The following ZBTB8B variants were observed in gnomAD, a reference collection of about 807,000 sequenced individuals.
ZBTB8B encodes zinc finger and BTB domain containing 8B, also known as zinc finger and BTB domain-containing protein 8B.
A neutral mutation model predicts 30.3 loss-of-function variants in ZBTB8B; 17 were observed. The ratio of observed to expected loss-of-function variants is 0.56; its 90% CI spans 0.38 to 0.84. ZBTB8B has a LOEUF of 0.84. Ranked by LOEUF, ZBTB8B falls within the 40% of genes least tolerant of loss-of-function variation. The probability of loss-of-function intolerance (pLI) is 0.00; values close to 1 mark genes in which losing one functional copy is unlikely to be tolerated. For synonymous variants in ZBTB8B, 248 were observed against 255.6 expected (o/e 0.97, Z 0.28); for missense variants, 515 against 644.9 (o/e 0.80, Z 2.18).
At chr1:32,466,596 G>A (rs1271897559) in intron 1 of ZBTB8B, among the ~76,000 whole-genome samples, 1 of 152,128 alleles carries the variant, frequency 6.6e-6, no homozygotes, top group African/African-American at 2.4e-5. Flanking sequence ...CCAAGTACAG[G>A]ATTGGGGAAA....
At chr1:32,482,165 G>T (rs180995079) in intron 3 of ZBTB8B, among the ~76,000 whole-genome samples, 61 of 151,942 alleles carry the variant, frequency 4.0e-4, no homozygotes, top group African/African-American at 1.5e-3. Context: ...TGTTGTTGTT[G>T]TTTTTTGTTT....
chr1:32,471,238 T>A lies in ZBTB8B; in HGVS notation c.614T>A (p.Leu205Gln). 1 of 1,551,946 alleles carries A rather than the reference T, an allele frequency of 6.4e-7. No homozygotes were observed. The highest frequency in any genetic ancestry group is 8.7e-7 in the Non-Finnish European group (1 of 1,147,038). The change falls in exon 2 of 4, where the codon CTG becomes CAG. Residue 205 changes from leucine (L) to glutamine (Q), a missense_variant. Leu to Gln is a moderately radical substitution (Grantham distance 113). This residue lies in a region of ZBTB8B where 429 missense variants were observed against 504.3 expected (regional missense o/e 0.85). Coordinates refer to ENST00000609129, the MANE Select transcript of ZBTB8B (RefSeq NM_001145720.2). ...GDCGDCHPLE[L>Q]VVRDSLGGGS... ...TGCGGAGACTGCCACCCCTTGGAAC[T>A]GGTGGTGAGAGACAGCCTTGGCGGT...
Position 32,495,360 on chromosome 1 carries a change from G to T in ZBTB8B, c.*9942G>T, listed in dbSNP as rs1643809806. Reference sequence around the variant, plus strand: ...CCACTTAATCTAAAAATACCTAGATGCAGTATTCCTGGTTTTTAATGAAAT... The same window carrying T: ...CCACTTAATCTAAAAATACCTAGATTCAGTATTCCTGGTTTTTAATGAAAT... On this transcript the variant is annotated 3_prime_UTR_variant, in exon 4 of 4. Coordinates refer to ENST00000609129, the MANE Select transcript of ZBTB8B (RefSeq NM_001145720.2). The T allele has an allele frequency of 6.6e-6, 1 of 152,148 alleles. No individual in the cohort carries two copies. Among genetic ancestry groups the T allele is most frequent in the Non-Finnish European group, 1.5e-5 (1 of 68,030 alleles). The allele number at this position is 152,148 out of a possible 1,614,324, so 9.4% of individuals were successfully genotyped here.
chr1:32,475,314 G>A (rs998371563), intron 2 of ZBTB8B, among the ~76,000 whole-genome samples: 1 of 152,190 alleles, frequency 6.6e-6, no homozygotes, highest in African/African-American at 2.4e-5. Flanking sequence ...GGGCTCAGTC[G>A]CTCATGCCTA....
chr1:32,471,654 G>A (rs1445595954), intron 2 of ZBTB8B, 39 bp downstream of exon 2: 1 of 1,525,832 alleles, frequency 6.6e-7, no homozygotes, highest in African/African-American at 1.4e-5. Context: ...GCCAGTGATT[G>A]AGTACACACT....
At chr1:32,466,884 T>C (rs747732312) in intron 1 of ZBTB8B, among the ~76,000 whole-genome samples, 1 of 152,160 alleles carries the variant, frequency 6.6e-6, no homozygotes, top group Non-Finnish European at 1.5e-5. Flanking sequence ...GCCTCCTTTT[T>C]TTCTTAGTTA....
chr1:32,472,641 T>A (rs1227195626), intron 2 of ZBTB8B, among the ~76,000 whole-genome samples: 1 of 151,990 alleles, frequency 6.6e-6, no homozygotes, highest in East Asian at 1.9e-4. Flanking sequence ...TGAGACAGGG[T>A]CTCGCTCTGT....
chr1:32,469,197 C>G (rs974078528), intron 1 of ZBTB8B, among the ~76,000 whole-genome samples: 1 of 148,862 alleles, frequency 6.7e-6, no homozygotes, highest in Admixed American at 6.7e-5. Context: ...GACCCTTCCT[C>G]TAAAAAAGAA....
At chr1:32,474,775 C>T (rs1643650380) in intron 2 of ZBTB8B, among the ~76,000 whole-genome samples, 1 of 152,172 alleles carries the variant, frequency 6.6e-6, no homozygotes, top group Non-Finnish European at 1.5e-5. Flanking sequence ...AAACTGTTAC[C>T]TAGAAGGGTT....
chr1:32,470,612 A>C lies in ZBTB8B; in HGVS notation c.-13A>C. The C allele has an allele frequency of 6.5e-7, 1 of 1,541,134 alleles. No homozygotes were observed. The highest frequency in any genetic ancestry group is 8.8e-7 in the Non-Finnish European group (1 of 1,139,258). ...TACAGGTTTGCTCTGGAGCAGCAGC[A>C]GCTGGCGGAGCAATGGAGATGCAAT... On this transcript the variant is annotated 5_prime_UTR_variant, in exon 2 of 4. Coordinates refer to ENST00000609129, the MANE Select transcript of ZBTB8B (RefSeq NM_001145720.2).
Position 32,470,904 on chromosome 1 carries a change from A to G in ZBTB8B, c.280A>G (p.Asn94Asp), listed in dbSNP as rs1252336585. ...TGGGAAGTTGGATTTGTGTGGGGAG[A>G]ATGTGATTGAAGTGATGTCGGCTGC... Reference protein sequence around the residue: ...YSGKLDLCGENVIEVMSAASY... With the variant: ...YSGKLDLCGEDVIEVMSAASY... The change falls in exon 2 of 4, where the codon AAT becomes GAT. Residue 94 changes from asparagine to aspartate, a missense_variant. This residue lies in a region of ZBTB8B where 61 missense variants were observed against 117.7 expected (regional missense o/e 0.52). Transcript: ENST00000609129. 6.4e-7 allele frequency: 1 copy of G among 1,551,884 alleles called. No homozygotes were observed. Among genetic ancestry groups the G allele is most frequent in the Non-Finnish European group, 8.7e-7 (1 of 1,147,060 alleles).
chr1:32,477,494 AGT>A (rs1643672934), intron 2 of ZBTB8B, among the ~76,000 whole-genome samples: 1 of 152,200 alleles, frequency 6.6e-6, no homozygotes, highest in African/African-American at 2.4e-5. Flanking sequence ...ATCAGGAAGA[AGT>A]GTGTGGTACA....
At chr1:32,483,555 G>T (rs905010811) in intron 3 of ZBTB8B, among the ~76,000 whole-genome samples, 2 of 152,156 alleles carry the variant, frequency 1.3e-5, no homozygotes, top group African/African-American at 4.8e-5. Flanking sequence ...AGAGGTGGGG[G>T]GATGGGGGAA....
rs1643731006 is a variant in ZBTB8B, at chr1:32,484,742, C to G, written c.1171-359C>G. 6.6e-6 allele frequency among the ~76,000 whole-genome samples: 1 copy of G among 151,994 alleles called. No individual in the cohort carries two copies. Among genetic ancestry groups the G allele is most frequent in the Non-Finnish European group, 1.5e-5 (1 of 68,014 alleles). On this transcript the variant is annotated intron_variant, in intron 3 of 3. Coordinates refer to ENST00000609129, the MANE Select transcript of ZBTB8B (RefSeq NM_001145720.2). This position sits in a 1 kb window ranked among gnomAD's most constrained non-coding sequence, Gnocchi z 4.5. Reference sequence around the variant, plus strand: ...GTTTGAAAATATGTGTTACCTCCCCCTTCTTTCTCTTCCCCCTGCTCTGGC... The same window carrying G: ...GTTTGAAAATATGTGTTACCTCCCCGTTCTTTCTCTTCCCCCTGCTCTGGC...
rs1643782218 is a variant in ZBTB8B at position 32,491,898 on chromosome 1, G to A, written c.*6480G>A. 6.6e-6 allele frequency: 1 copy of A among 152,054 alleles called. No individual in the cohort carries two copies. Among genetic ancestry groups the A allele is most frequent in the Admixed American group, 6.6e-5 (1 of 15,246 alleles). 9.4% of individuals were successfully genotyped at this position (152,054 alleles called of 1,614,324 possible). On this transcript the variant is annotated 3_prime_UTR_variant, in exon 4 of 4. Transcript: ENST00000609129. ...AAATTCTCATGCAGAAGGGAAAGAG[G>A]CTTTGTTAATACTTTGCCAAACACT...
At chr1:32,476,414 T>C (rs1643665697) in intron 2 of ZBTB8B, among the ~76,000 whole-genome samples, 1 of 152,038 alleles carries the variant, frequency 6.6e-6, no homozygotes, top group Non-Finnish European at 1.5e-5. Flanking sequence ...TGTACCTGCT[T>C]TTCCTTCTGT....
chr1:32,488,124 C>G lies in ZBTB8B; in HGVS notation c.*2706C>G, dbSNP rs1477491849. The G allele has an allele frequency of 1.3e-5, 2 of 152,262 alleles. No homozygotes were observed. The highest frequency in any genetic ancestry group is 4.8e-5 in the African/African-American group (2 of 41,438). The allele number at this position is 152,262 out of a possible 1,614,324, so 9.4% of individuals were successfully genotyped here. A position where few individuals can be genotyped will look rare whatever the true frequency, so the allele number is the denominator to read the frequency against. On this transcript the variant is annotated 3_prime_UTR_variant, in exon 4 of 4. Transcript: ENST00000609129. ...TGGTGGCGCATGCCTGTAATTCCAGCTACTCAGGAGGCTGAAGCAGGAGAA... is the reference window on the plus strand; with the variant it reads ...TGGTGGCGCATGCCTGTAATTCCAGGTACTCAGGAGGCTGAAGCAGGAGAA...
chr1:32,469,246 A>ATTTTTTTTTTT lies in ZBTB8B; in HGVS notation c.-41-1331_-41-1321dup, dbSNP rs541160413. Among the ~76,000 whole-genome samples the ATTTTTTTTTTT allele has an allele frequency of 1.7e-3, 195 of 117,334 alleles. 9 individuals carry two copies. In the East Asian group the frequency reaches 0.026, roughly 16 times the overall value. 77.0% of individuals were successfully genotyped at this position (117,334 alleles called of 152,430 possible). ...TTGATACACTAAACACTCAAGTATA[A>ATTTTTTTTTTT]TTTTTTTTTTTTTTTTTGAGACAGA... is the stretch of plus-strand genomic sequence containing the variant. On this transcript the variant is annotated intron_variant, in intron 1 of 3. Transcript: ENST00000609129.
chr1:32,476,199 G>A (rs188601874), intron 2 of ZBTB8B, among the ~76,000 whole-genome samples: 10 of 151,932 alleles, frequency 6.6e-5, no homozygotes, highest in East Asian at 5.8e-4. Flanking sequence ...GCAGTGGCAC[G>A]ATCACAGCTC....
Sources: allele counts gnomAD v4.1 joint callset (sites outside exome capture counted in the v4.1 genomes callset), GRCh38; gene constraint gnomAD v4.1.1; regional missense constraint gnomAD v4.1.1; non-coding constraint Gnocchi (gnomAD v3.1); transcripts MANE v1.5; gene names NCBI Gene and HGNC (gene_info 2026-07-23, HGNC 2026-07-21).